The following SPAG1 variants were observed in gnomAD, a reference collection of about 807,000 sequenced individuals.
SPAG1 encodes sperm-associated antigen 1.
In SPAG1, 69 loss-of-function variants were observed where a neutral mutation model predicts 100.5. The observed-to-expected ratio is 0.69, with a 90% CI of 0.57 to 0.84. SPAG1 has a LOEUF of 0.84. Ranked by LOEUF, SPAG1 falls within the 40% of genes least tolerant of loss-of-function variation. The probability of loss-of-function intolerance (pLI) is 0.00; values close to 1 mark genes in which losing one functional copy is unlikely to be tolerated. For missense variants in SPAG1, 955 were observed against 1,133.1 expected (o/e 0.84, Z 2.26); for synonymous variants, 336 against 411.6 (o/e 0.82, Z 2.22).
Position 100,233,438 on chromosome 8 carries a change from G to C in SPAG1, c.2016G>C (p.Gln672His). 1 of 1,614,118 alleles carries C rather than the reference G, an allele frequency of 6.2e-7. No individual in the cohort carries two copies. The highest frequency in any genetic ancestry group is 2.2e-5 in the East Asian group (1 of 44,886). Residue 672 changes from glutamine to histidine, a missense_variant, in exon 16 of 19, where the codon CAG (glutamine) becomes CAC (histidine). Coordinates refer to ENST00000388798, the MANE Select transcript of SPAG1 (RefSeq NM_003114.5). Reference protein sequence around the residue: ...NRALCYLKLCQFEEAKQDCDQ... With the variant: ...NRALCYLKLCHFEEAKQDCDQ... ...CTCTCTGTTACTTGAAGCTGTGCCAGTTTGAAGAAGCAAAGCAGGACTGTG... is the reference window on the plus strand; with the variant it reads ...CTCTCTGTTACTTGAAGCTGTGCCACTTTGAAGAAGCAAAGCAGGACTGTG...
Position 100,239,672 on chromosome 8 carries a change from C to T in SPAG1, c.2280+268C>T, listed in dbSNP as rs1819166217. 6.6e-6 allele frequency among the ~76,000 whole-genome samples: 1 copy of T among 152,182 alleles called. No individual in the cohort carries two copies. The highest frequency in any genetic ancestry group is 1.5e-5 in the Non-Finnish European group (1 of 68,040). On this transcript the variant is annotated intron_variant, in intron 17 of 18. Coordinates refer to ENST00000388798, the MANE Select transcript of SPAG1 (RefSeq NM_003114.5). This position sits in a 1 kb window ranked among gnomAD's most constrained non-coding sequence, Gnocchi z 5.0. ...GGCCTCCATCTGTACTGCTCCCACT[C>T]CAGAGTACACTGGGAACCAGCGGCC...
rs140292370 is a variant in SPAG1 at position 100,166,765 on chromosome 8, G to T, written c.300+792G>T. 5.5e-3 allele frequency among the ~76,000 whole-genome samples: 833 copies of T among 152,156 alleles called. 3 individuals are homozygous for T. Among genetic ancestry groups the T allele is most frequent in the Non-Finnish European group, 8.2e-3 (559 of 67,990 alleles). On this transcript the variant is annotated intron_variant, in intron 3 of 18. Transcript: ENST00000388798. ...TCTACAAAAATATAAAAATTAGCTG[G>T]ACGTGGTGGCATGTGTCTGTAATCC...
chr8:100,224,076 G>T (rs547229986), intron 13 of SPAG1, among the ~76,000 whole-genome samples: 1 of 152,118 alleles, frequency 6.6e-6, no homozygotes, highest in South Asian at 2.1e-4. Flanking sequence ...TTCAAAAGAC[G>T]TAATTTTTAA....
At chr8:100,165,035 C>T (rs1013249175) in intron 2 of SPAG1, among the ~76,000 whole-genome samples, 13 of 152,186 alleles carry the variant, frequency 8.5e-5, no homozygotes, top group Non-Finnish European at 1.6e-4. Flanking sequence ...GACACTATTA[C>T]CCTTAATTCA....
At chr8:100,187,699 C>A (rs1816645699) in intron 8 of SPAG1, among the ~76,000 whole-genome samples, 1 of 151,824 alleles carries the variant, frequency 6.6e-6, no homozygotes, top group African/African-American at 2.4e-5. Flanking sequence ...TTTGAACATT[C>A]TTTTTCTCCA....
At chr8:100,238,393 A>G (rs1278405547) in intron 16 of SPAG1, among the ~76,000 whole-genome samples, 1 of 152,238 alleles carries the variant, frequency 6.6e-6, no homozygotes, top group Non-Finnish European at 1.5e-5. Flanking sequence ...TCACTAGCTC[A>G]GCTTATCTGT....
Position 100,187,161 on chromosome 8 carries a change from G to A in SPAG1, c.743G>A (p.Arg248Gln). 2 of 1,612,712 alleles carry A rather than the reference G, an allele frequency of 1.2e-6. No homozygotes were observed. Among genetic ancestry groups the A allele is most frequent in the Non-Finnish European group, 1.7e-6 (2 of 1,179,248 alleles). ...CCCACTGTAGTTGCCTATAACAATCGAGCTCAAGCAGAAATCAAATTACAG... is the reference window on the plus strand; with the variant it reads ...CCCACTGTAGTTGCCTATAACAATCAAGCTCAAGCAGAAATCAAATTACAG... ...ALPTVVAYNNRAQAEIKLQNW... is the reference protein window; with the variant it reads ...ALPTVVAYNNQAQAEIKLQNW... The change falls in exon 8 of 19, where the codon CGA becomes CAA. Residue 248 changes from arginine to glutamine, a missense_variant. Physicochemically the swap from Arg to Gln is conservative, Grantham distance 43. Coordinates refer to ENST00000388798, the MANE Select transcript of SPAG1 (RefSeq NM_003114.5).
At chr8:100,233,887 G>A (rs529733781) in intron 16 of SPAG1, among the ~76,000 whole-genome samples, 1 of 152,352 alleles carries the variant, frequency 6.6e-6, no homozygotes, top group Admixed American at 6.5e-5. Context: ...GGCAAGGATT[G>A]CTGTTGGAGG....
intron 3 of SPAG1, among the ~76,000 whole-genome samples, chr8:100,177,480 TTGTG>T (rs752920781): frequency 3.3e-5 from 5 of 152,210 alleles, no homozygotes; most frequent in East Asian, 1.9e-4. Flanking sequence ...CTGTAAGTGT[TTGTG>T]TGGGTAAGTT....
At chr8:100,179,667 C>A (rs1261529124) in intron 4 of SPAG1, among the ~76,000 whole-genome samples, 1 of 152,088 alleles carries the variant, frequency 6.6e-6, no homozygotes, top group East Asian at 1.9e-4. Context: ...GCAAGGCAGG[C>A]ACCACGTTGT....
chr8:100,165,596 A>C (rs1380624960), intron 2 of SPAG1: 2 of 473,408 alleles, frequency 4.2e-6, no homozygotes. Context: ...GTGTGTGATG[A>C]AAATTGGTTA....
chr8:100,212,749 G>T (rs1447233705), intron 10 of SPAG1, among the ~76,000 whole-genome samples: 1 of 152,240 alleles, frequency 6.6e-6, no homozygotes, highest in Non-Finnish European at 1.5e-5. Context: ...TACGTATTTT[G>T]TAAGCTCACC....
intron 16 of SPAG1, among the ~76,000 whole-genome samples, chr8:100,235,542 T>C (rs1368389989): frequency 6.6e-6 from 1 of 151,242 alleles, no homozygotes; most frequent in Non-Finnish European, 1.5e-5. Flanking sequence ...AGTTTGGGAG[T>C]GGGGAGAGGA....
chr8:100,233,311 A>G (rs1307666489), intron 15 of SPAG1, 100 bp from the exon 16 acceptor site: 1 of 1,299,300 alleles, frequency 7.7e-7, no homozygotes, highest in Non-Finnish European at 1.1e-6. Context: ...GTATAGCAAC[A>G]GACATATTGA....
chr8:100,240,784 G>C lies in SPAG1; in HGVS notation c.2649+13G>C. 1 of 1,568,986 alleles carries C rather than the reference G, an allele frequency of 6.4e-7. No homozygotes were observed. The highest frequency in any genetic ancestry group is 1.2e-5 in the South Asian group (1 of 82,592). ...AGAAAGGTTTAAGGTAAGTGGCTAA[G>C]TATTTTATTAGTAGAAATTGGTTTT... On this transcript the variant is annotated intron_variant, in intron 18 of 18. Transcript: ENST00000388798.
At chr8:100,229,766 T>C (rs981981094) in intron 14 of SPAG1, among the ~76,000 whole-genome samples, 21 of 152,214 alleles carry the variant, frequency 1.4e-4, no homozygotes, top group African/African-American at 4.8e-4. Context: ...CAGTTCAGAC[T>C]CTGATTGTAG....
chr8:100,225,450 A>C, intron 14 of SPAG1, 111 bp downstream of exon 14: 1 of 933,674 alleles, frequency 1.1e-6, no homozygotes, highest in Non-Finnish European at 1.6e-6. Context: ...ACCTAGGTTT[A>C]AGTGAAGTCC....
chr8:100,213,739 A>G, intron 11 of SPAG1, 80 bp from the exon 12 acceptor site: 5 of 865,056 alleles, frequency 5.8e-6, no homozygotes, highest in Non-Finnish European at 9.5e-6. Flanking sequence ...CCCACCGGAG[A>G]CCTCGGCCGT....
intron 12 of SPAG1, among the ~76,000 whole-genome samples, chr8:100,214,587 C>T (rs1472429949): frequency 6.6e-6 from 1 of 152,148 alleles, no homozygotes; most frequent in Admixed American, 6.5e-5. Context: ...TTAAACACAT[C>T]GAGGTTAGGA....
Sources: allele counts gnomAD v4.1 joint callset (sites outside exome capture counted in the v4.1 genomes callset), GRCh38; gene constraint gnomAD v4.1.1; non-coding constraint Gnocchi (gnomAD v3.1); transcripts MANE v1.5; gene names NCBI Gene and HGNC (gene_info 2026-07-23, HGNC 2026-07-21).